The following RFX3 variants were observed in gnomAD, a reference collection of about 807,000 sequenced individuals.
RFX3 encodes the protein regulatory factor X3.
A neutral mutation model predicts 98.6 loss-of-function variants in RFX3; 14 were observed. The ratio of observed to expected loss-of-function variants is 0.14; its 90% confidence interval spans 0.09 to 0.22. The LOEUF (loss-of-function observed/expected upper bound fraction) is 0.22. Among genes scored for constraint, RFX3 ranks in the 10% least tolerant of loss-of-function variants. The pLI, the probability that RFX3 is intolerant of heterozygous loss-of-function variation, is 1.00. For synonymous variants in RFX3, 383 were observed against 328.4 expected (o/e 1.17, Z -1.80); for missense variants, 639 against 926.9 (o/e 0.69, Z 4.03).
At position 3,245,307 on chromosome 9, in the gene RFX3, G is replaced by A. The variant is rs192079004; in HGVS notation, c.1968+2725C>T. On this transcript the variant is annotated intron_variant, in intron 15 of 16. Coordinates refer to ENST00000617270, the MANE Select transcript of RFX3 (RefSeq NM_001282116.2). ...CTTCCAGGTAGAAAGAACCATTTAT[G>A]CAGTAGTCCAAGGATGAGAAAACCT... is the stretch of plus-strand genomic sequence containing the variant. Among the ~76,000 whole-genome samples the A allele has an allele frequency of 1.9e-3, 293 of 152,330 alleles. 2 individuals are homozygous for A. The highest frequency in any genetic ancestry group is 6.8e-3 in the African/African-American group (281 of 41,570).
intron 1 of RFX3, among the ~76,000 whole-genome samples, chr9:3,445,725 A>G (rs10972081): frequency 0.22 from 33,317 of 151,856 alleles, 6,415 homozygotes; most frequent in African/African-American, 0.52. Flanking sequence ...TGTCAACGCG[A>G]TCGATAGGAG....
chr9:3,359,779 A>G (rs1446717928), intron 2 of RFX3, among the ~76,000 whole-genome samples: 1 of 152,162 alleles, frequency 6.6e-6, no homozygotes, highest in Non-Finnish European at 1.5e-5. Flanking sequence ...AAGTGAACTG[A>G]TATGATCACT....
chr9:3,366,048 C>T (rs1033772984), intron 2 of RFX3, among the ~76,000 whole-genome samples: 5 of 152,022 alleles, frequency 3.3e-5, no homozygotes, highest in African/African-American at 1.2e-4. Flanking sequence ...ACAGAGGTTC[C>T]ACCACCTTTT....
intron 1 of RFX3, among the ~76,000 whole-genome samples, chr9:3,484,846 G>A (rs769876704): frequency 6.6e-6 from 1 of 151,974 alleles, no homozygotes; most frequent in Non-Finnish European, 1.5e-5. Flanking sequence ...CCCTTTGGGA[G>A]GCCAAAAAGG....
At chr9:3,322,506 T>A (rs946218508) in intron 4 of RFX3, among the ~76,000 whole-genome samples, 5 of 152,026 alleles carry the variant, frequency 3.3e-5, no homozygotes, top group Non-Finnish European at 7.4e-5. Flanking sequence ...CCGAGGCAGG[T>A]GGATCACTTG....
intron 2 of RFX3, among the ~76,000 whole-genome samples, chr9:3,362,077 G>T (rs528862639): frequency 6.6e-6 from 1 of 152,144 alleles, no homozygotes; most frequent in Non-Finnish European, 1.5e-5. Flanking sequence ...ATGAGCACAG[G>T]ATCACAGAGA....
chr9:3,399,699 C>A (rs1166563862), intron 1 of RFX3, among the ~76,000 whole-genome samples: 1 of 151,966 alleles, frequency 6.6e-6, no homozygotes, highest in Non-Finnish European at 1.5e-5. Flanking sequence ...CGCTTGTAAT[C>A]CCAGCACTTT....
chr9:3,524,569 A>C (rs1400813639), intron 1 of RFX3: 15 of 959,240 alleles, frequency 1.6e-5, no homozygotes, highest in Non-Finnish European at 1.7e-5. Context: ...AAAAAAAAAA[A>C]CTCTTAAAGT....
At chr9:3,501,856 C>A (rs1257085452) in intron 1 of RFX3, among the ~76,000 whole-genome samples, 1 of 151,416 alleles carries the variant, frequency 6.6e-6, no homozygotes, top group Non-Finnish European at 1.5e-5. Flanking sequence ...CGTGCCCTGC[C>A]CAAAGAAATT....
At chr9:3,280,872 G>A (rs377221089) in intron 7 of RFX3, among the ~76,000 whole-genome samples, 62 of 151,714 alleles carry the variant, frequency 4.1e-4, no homozygotes, top group Middle Eastern at 3.4e-3. Flanking sequence ...TCAGCCCAAT[G>A]TTGTAGAAAT....
At chr9:3,467,951 G>A (rs1032751192) in intron 1 of RFX3, among the ~76,000 whole-genome samples, 1 of 152,174 alleles carries the variant, frequency 6.6e-6, no homozygotes, top group Non-Finnish European at 1.5e-5. Context: ...CATGGCTTCT[G>A]GGTATGTGTC....
rs115121723 is a variant in RFX3, at chr9:3,297,473, G to C, written c.549+4073C>G. Reference sequence around the variant, plus strand: ...GATAGACTAAAGATGAATGGTTCCTGTTTTTCCCAAAGGGAAATCCTGATT... The same window carrying C: ...GATAGACTAAAGATGAATGGTTCCTCTTTTTCCCAAAGGGAAATCCTGATT... On this transcript the variant is annotated intron_variant, in intron 5 of 16. Coordinates refer to ENST00000617270, the MANE Select transcript of RFX3 (RefSeq NM_001282116.2). Among the ~76,000 whole-genome samples, 710 of 152,024 alleles carry C rather than the reference G, an allele frequency of 4.7e-3. 5 individuals carry two copies. Among genetic ancestry groups the C allele is most frequent in the African/African-American group, 0.017 (688 of 41,514 alleles).
At chr9:3,409,273 A>C (rs573165490) in intron 1 of RFX3, among the ~76,000 whole-genome samples, 4 of 152,324 alleles carry the variant, frequency 2.6e-5, no homozygotes, top group Admixed American at 6.5e-5. Context: ...CTATCCACTT[A>C]AGTACATTGT....
chr9:3,432,663 A>G (rs1359924035), intron 1 of RFX3, among the ~76,000 whole-genome samples: 1 of 152,232 alleles, frequency 6.6e-6, no homozygotes, highest in Non-Finnish European at 1.5e-5. Flanking sequence ...CACCAGAGGA[A>G]TTAACAGAAT....
At chr9:3,266,855 AT>A (rs1342291713) in intron 11 of RFX3, among the ~76,000 whole-genome samples, 1 of 151,980 alleles carries the variant, frequency 6.6e-6, no homozygotes, top group African/African-American at 2.4e-5. Flanking sequence ...CTGAATTGAA[AT>A]TTTTGGGCAA....
chr9:3,356,846 C>A (rs1835827084), intron 2 of RFX3, among the ~76,000 whole-genome samples: 1 of 151,636 alleles, frequency 6.6e-6, no homozygotes, highest in Admixed American at 6.6e-5. Context: ...CAAATACAAT[C>A]CACCATATTT....
intron 1 of RFX3, among the ~76,000 whole-genome samples, chr9:3,502,748 C>G (rs1161355090): frequency 6.6e-6 from 1 of 151,946 alleles, no homozygotes; most frequent in African/African-American, 2.4e-5. Flanking sequence ...ACACAACATA[C>G]AAGGCAGAGC....
intron 1 of RFX3, among the ~76,000 whole-genome samples, chr9:3,424,152 A>T (rs1346863159): frequency 6.6e-6 from 1 of 151,100 alleles, no homozygotes; most frequent in African/African-American, 2.4e-5. Flanking sequence ...TTCTCAAAAA[A>T]AAAAGAAGAA....
At chr9:3,466,237 CAG>C (rs1236846353) in intron 1 of RFX3, among the ~76,000 whole-genome samples, 1 of 152,032 alleles carries the variant, frequency 6.6e-6, no homozygotes, top group African/African-American at 2.4e-5. Context: ...AATAGAAAAA[CAG>C]AGACTCAGGA....
Sources: allele counts gnomAD v4.1 joint callset (sites outside exome capture counted in the v4.1 genomes callset), GRCh38; gene constraint gnomAD v4.1.1; transcripts MANE v1.5; gene names NCBI Gene and HGNC (gene_info 2026-07-23, HGNC 2026-07-21).